Variants in UQCC1 observed in about 807,000 individuals in gnomAD.
The protein encoded by UQCC1 is ubiquinol-cytochrome c reductase complex assembly factor 1, also known as bFGF-repressed Zic-binding protein.
UQCC1 carries 38 observed loss-of-function variants against 48.0 expected under a neutral mutation model. The ratio of observed to expected loss-of-function variants is 0.79; its 90% CI spans 0.61 to 1.04. The LOEUF is 1.04. Ranked by LOEUF, UQCC1 falls within the 50% of genes least tolerant of loss-of-function variation. The probability of loss-of-function intolerance (pLI) is 0.00; values close to 1 mark genes in which losing one functional copy is unlikely to be tolerated. For synonymous variants in UQCC1, 111 were observed against 129.2 expected, an observed-to-expected ratio of 0.86 and a Z score of 0.95; for missense variants, 368 against 381.8, an observed-to-expected ratio of 0.96 and a Z score of 0.30.
intron 7 of UQCC1, among the ~76,000 whole-genome samples, chr20:35,324,801 G>C (rs1224139834): frequency 6.6e-6 from 1 of 152,208 alleles, no homozygotes; most frequent in Non-Finnish European, 1.5e-5. Context: ...GCTGAACATA[G>C]AACTACCATA....
At chr20:35,410,720 A>AAAAAAAAAAAAAAAAAAAAAC (rs1568722346) in intron 1 of UQCC1, among the ~76,000 whole-genome samples, 2 of 125,778 alleles carry the variant, frequency 1.6e-5, no homozygotes, top group Non-Finnish European at 3.3e-5. Context: ...AAAAAAAAAA[A>AAAAAAAAAAAAAAAAAAAAAC]AAAACAAAAC....
chr20:35,362,500 G>A (rs1038946420), intron 6 of UQCC1, among the ~76,000 whole-genome samples: 2 of 152,216 alleles, frequency 1.3e-5, no homozygotes, highest in Middle Eastern at 3.4e-3. Context: ...GGGACTACAG[G>A]TGCCCGCCAC....
At chr20:35,393,499 CACAA>C (rs1190667156) in intron 2 of UQCC1, among the ~76,000 whole-genome samples, 150 of 85,890 alleles carry the variant, frequency 1.7e-3, no homozygotes, top group Non-Finnish European at 7.3e-4. Flanking sequence ...CACAAACACA[CACAA>C]ACACACACAC....
At position 35,399,830 on chromosome 20, in the gene UQCC1, C is replaced by T. The variant is rs1460215130; in HGVS notation, c.25-5634G>A. Among the ~76,000 whole-genome samples, 5 of 146,836 alleles carry T rather than the reference C, an allele frequency of 3.4e-5. 1 individual carries two copies. The East Asian group carries it at 1.0e-3, about 30-fold the overall frequency. On this transcript the variant is annotated intron_variant, in intron 1 of 9. Coordinates refer to ENST00000374385, the MANE Select transcript of UQCC1 (RefSeq NM_018244.5). ...CCAAAATCAGGCCACTGCACTCCAG[C>T]CTGCGTGACAGAGCAAGACTCCACT...
intron 7 of UQCC1, among the ~76,000 whole-genome samples, chr20:35,336,054 G>C (rs985430100): frequency 6.6e-6 from 1 of 152,188 alleles, no homozygotes; most frequent in Non-Finnish European, 1.5e-5. Flanking sequence ...GGACTGAAAG[G>C]TTCAATGCTA....
chr20:35,315,668 C>G (rs762904399), intron 7 of UQCC1, among the ~76,000 whole-genome samples: 1 of 152,168 alleles, frequency 6.6e-6, no homozygotes, highest in Non-Finnish European at 1.5e-5. Context: ...GCAGGCAGAT[C>G]GCTTGAGCCC....
intron 6 of UQCC1, among the ~76,000 whole-genome samples, chr20:35,354,169 C>A (rs966361753): frequency 6.6e-6 from 1 of 152,108 alleles, no homozygotes; most frequent in African/African-American, 2.4e-5. Context: ...CCTAATGATG[C>A]ATTTCTCAGG....
At chr20:35,411,807 GA>G (rs2062370072) in intron 1 of UQCC1, 132 bp downstream of exon 1, 1 of 1,234,514 alleles carries the variant, frequency 8.1e-7, no homozygotes, top group East Asian at 2.3e-5. Context: ...TTTCCCCACG[GA>G]AAAGCGGCCA....
intron 5 of UQCC1, among the ~76,000 whole-genome samples, chr20:35,366,908 A>G (rs1424484284): frequency 6.6e-6 from 1 of 152,074 alleles, no homozygotes; most frequent in Admixed American, 6.5e-5. Context: ...AGCCTGGCCA[A>G]CATGGCGAAA....
chr20:35,338,025 T>C (rs1447302622), intron 7 of UQCC1, among the ~76,000 whole-genome samples: 2 of 151,686 alleles, frequency 1.3e-5, no homozygotes, highest in African/African-American at 2.4e-5. Flanking sequence ...GGTGTTCCTC[T>C]ACCCTTAAAA....
At chr20:35,313,374 TAAAAAAAAAAAAA>T (rs1182863735) in intron 8 of UQCC1, among the ~76,000 whole-genome samples, 1 of 45,468 alleles carries the variant, frequency 2.2e-5, no homozygotes, top group African/African-American at 9.4e-5. Context: ...AGACTCTGTC[TAAAAAAAAAAAAA>T]AAAAAAAAAA....
chr20:35,379,999 T>C (rs966497404), intron 4 of UQCC1, among the ~76,000 whole-genome samples: 3 of 152,086 alleles, frequency 2.0e-5, no homozygotes, highest in African/African-American at 7.2e-5. Context: ...CTCCAAATGA[T>C]AGCCAATTTT....
intron 1 of UQCC1, among the ~76,000 whole-genome samples, chr20:35,397,263 C>A (rs988350590): frequency 2.0e-5 from 3 of 150,630 alleles, no homozygotes; most frequent in African/African-American, 7.3e-5. Context: ...CATCTGTAAT[C>A]CCAGCACTTT....
chr20:35,339,720 A>C (rs1408323599), intron 7 of UQCC1, among the ~76,000 whole-genome samples: 2 of 152,216 alleles, frequency 1.3e-5, no homozygotes, highest in Admixed American at 1.3e-4. Flanking sequence ...GAGTAATACA[A>C]CAAAAACTCA....
rs747016370 is a variant in UQCC1 at position 35,384,048 on chromosome 20, G to T, written c.215C>A (p.Thr72Asn). The T allele has an allele frequency of 3.7e-6, 6 of 1,611,880 alleles. No homozygotes were observed. The highest frequency in any genetic ancestry group is 3.4e-6 in the Non-Finnish European group (4 of 1,178,188). The change falls in exon 3 of 10, where the codon ACC (threonine) becomes AAC (asparagine). Residue 72 changes from threonine (T) to asparagine (N), a missense_variant. Transcript: ENST00000374385. The stretch of plus-strand genomic sequence containing the variant: ...ACTGATAATTCTCACCTTACGTGTG[G>T]TGTGATACTTCCTATTCAGCTGTAT... ...IDIQLNRKYHTTRKLSTTKDS... is the reference protein window; with the variant it reads ...IDIQLNRKYHNTRKLSTTKDS...
chr20:35,361,659 T>C (rs2146427384), intron 6 of UQCC1, among the ~76,000 whole-genome samples: 1 of 152,322 alleles, frequency 6.6e-6, no homozygotes, highest in South Asian at 2.1e-4. Context: ...ACTTAATGCT[T>C]TCAGTTAGCC....
At chr20:35,377,687 A>T (rs1447364631) in intron 4 of UQCC1, among the ~76,000 whole-genome samples, 8 of 152,230 alleles carry the variant, frequency 5.3e-5, no homozygotes, top group Admixed American at 3.9e-4. Flanking sequence ...TGATTTTTTT[A>T]AATCTTGTAA....
At chr20:35,374,607 T>C (rs1001740690) in intron 4 of UQCC1, among the ~76,000 whole-genome samples, 4 of 152,176 alleles carry the variant, frequency 2.6e-5, no homozygotes, top group African/African-American at 9.7e-5. Flanking sequence ...AAATCCTTTA[T>C]AGTAAAAAAG....
chr20:35,410,738 G>A (rs1316594687), intron 1 of UQCC1, among the ~76,000 whole-genome samples: 1 of 33,398 alleles, frequency 3.0e-5, no homozygotes, highest in Non-Finnish European at 6.4e-5. Flanking sequence ...AACCCTAAAG[G>A]GTGGCAGGGG....
Sources: allele counts gnomAD v4.1 joint callset (sites outside exome capture counted in the v4.1 genomes callset), GRCh38; gene constraint gnomAD v4.1.1; transcripts MANE v1.5; gene names NCBI Gene and HGNC (gene_info 2026-07-23, HGNC 2026-07-21).